Variants in ARHGEF10L observed in about 807,000 individuals in gnomAD.
The protein encoded by ARHGEF10L is Rho guanine nucleotide exchange factor 10 like.
In ARHGEF10L, 69 loss-of-function variants were observed where a neutral mutation model predicts 141.2. The ratio of observed to expected loss-of-function variants is 0.49; its 90% CI spans 0.40 to 0.60. The LOEUF (loss-of-function observed/expected upper bound fraction) is 0.60, where lower values mean the gene tolerates loss of function less well. ARHGEF10L is among the 20% of genes least tolerant of loss of function. The probability of loss-of-function intolerance (pLI) is 0.00; values close to 1 mark genes in which losing one functional copy is unlikely to be tolerated. For synonymous variants in ARHGEF10L, 711 were observed against 718.5 expected (o/e 0.99, Z 0.17); for missense variants, 1,482 against 1,734.3 (o/e 0.85, Z 2.58).
intron 2 of ARHGEF10L, 108 bp downstream of exon 2, chr1:17,580,740 T>C (rs2078471067): frequency 1.5e-6 from 2 of 1,361,230 alleles, no homozygotes. Context: ...GTGGGAAGTC[T>C]GCTCTGCTGG....
chr1:17,687,863 G>A (rs2064749058), intron 27 of ARHGEF10L, 116 bp downstream of exon 27: 2 of 1,194,588 alleles, frequency 1.7e-6, no homozygotes, highest in Admixed American at 3.1e-5. Context: ...GAAAACTGGG[G>A]CTTTAATTTG....
At chr1:17,645,661 G>A (rs2061557016) in intron 21 of ARHGEF10L, among the ~76,000 whole-genome samples, 2 of 152,164 alleles carry the variant, frequency 1.3e-5, no homozygotes, top group South Asian at 4.1e-4. Context: ...TGTCCAAGAG[G>A]CAGCATGGCG....
At chr1:17,687,817 C>A in intron 27 of ARHGEF10L, 70 bp downstream of exon 27, 1 of 1,454,680 alleles carries the variant, frequency 6.9e-7, no homozygotes, top group Admixed American at 2.5e-5. Context: ...AGTGGTGTGA[C>A]CTGGGCAGCC....
Position 17,552,494 on chromosome 1 carries a change from G to T in ARHGEF10L, c.-44+12544G>T, listed in dbSNP as rs2077150087. On this transcript the variant is annotated intron_variant, in intron 1 of 28. Transcript: ENST00000361221. The stretch of plus-strand genomic sequence containing the variant: ...GCTCACTGCAACCTCTGCTTCCCGG[G>T]TTCAAGTGATTCTCCTGCCTCAGCC... Among the ~76,000 whole-genome samples, 3 of 150,538 alleles carry T rather than the reference G, an allele frequency of 2.0e-5. No homozygotes were observed. In the South Asian group the frequency reaches 6.3e-4, roughly 32 times the overall value.
At position 17,615,301 on chromosome 1, in the gene ARHGEF10L, G is replaced by C. The variant is rs1401141296; in HGVS notation, c.727-793G>C. On this transcript the variant is annotated intron_variant, in intron 8 of 28. Transcript: ENST00000361221. This position sits in a 1 kb window ranked among gnomAD's most constrained non-coding sequence, Gnocchi z 4.7. ...GACTGGCTGAGGGGACAGCAGCTCT[G>C]TCAGGCCTGGGTTCCCCCAGCACCT... 6.6e-6 allele frequency: 1 copy of C among 152,288 alleles called. No homozygotes were observed. The highest frequency in any genetic ancestry group is 2.4e-5 in the African/African-American group (1 of 41,456). 9.4% of individuals were successfully genotyped at this position (152,288 alleles called of 1,614,324 possible).
intron 22 of ARHGEF10L, among the ~76,000 whole-genome samples, chr1:17,652,338 G>T (rs548502241): frequency 2.0e-5 from 3 of 152,342 alleles, no homozygotes; most frequent in Non-Finnish European, 4.4e-5. Context: ...TCAGTTGGGA[G>T]TGTGAAGGAG....
In ARHGEF10L at chr1:17,625,897, T is replaced by C; in HGVS notation, c.1318-59T>C. On this transcript the variant is annotated intron_variant, in intron 13 of 28. Coordinates refer to ENST00000361221, the MANE Select transcript of ARHGEF10L (RefSeq NM_018125.4). This position sits in a 1 kb window ranked among gnomAD's most constrained non-coding sequence, Gnocchi z 4.5. ...CAGAATGGGGACAGTGTCTGGACTC[T>C]GGGGCACTGGGCCCTCTCTGCAGGG... 6.8e-7 allele frequency: 1 copy of C among 1,470,878 alleles called. No individual in the cohort carries two copies. The highest frequency in any genetic ancestry group is 9.5e-7 in the Non-Finnish European group (1 of 1,053,588). The allele number at this position is 1,470,878 out of a possible 1,614,324, so 91.1% of individuals were successfully genotyped here.
chr1:17,625,968 T>C lies in ARHGEF10L; in HGVS notation c.1330T>C (p.Cys444Arg). The C allele has an allele frequency of 1.9e-6, 3 of 1,613,854 alleles. No individual in the cohort carries two copies. Among genetic ancestry groups the C allele is most frequent in the Non-Finnish European group, 2.5e-6 (3 of 1,179,846 alleles). The change falls in exon 14 of 29, where the codon TGC becomes CGC. Residue 444 changes from cysteine to arginine, a missense_variant. Cys to Arg is a radical substitution (Grantham distance 180). This residue lies in a region of ARHGEF10L where 392 missense variants were observed against 542.1 expected (regional missense o/e 0.72). Transcript: ENST00000361221. This position sits in a 1 kb window ranked among gnomAD's most constrained non-coding sequence, Gnocchi z 4.5. ...TTGTCTCCACCAGCGACGGCAGGTG[T>C]GCAGCCCAGACCGTGTCACCCTCTA... ...FLEFLKRRQV[C>R]SPDRVTLYGL...
intron 21 of ARHGEF10L, among the ~76,000 whole-genome samples, chr1:17,641,427 C>T (rs964557726): frequency 6.6e-6 from 1 of 151,364 alleles, no homozygotes; most frequent in South Asian, 2.1e-4. Context: ...GTCAGGAGAT[C>T]GAGACCATCC....
chr1:17,524,814 G>A, the ARHGEF10L span, among the ~76,000 whole-genome samples: 1 of 152,188 alleles, frequency 6.6e-6, no homozygotes, highest in Non-Finnish European at 1.5e-5. Flanking sequence ...GTACTCAGGC[G>A]AGAAGCAGTG....
chr1:17,670,619 C>T (rs541437040), intron 26 of ARHGEF10L, among the ~76,000 whole-genome samples: 2 of 152,376 alleles, frequency 1.3e-5, no homozygotes, highest in East Asian at 1.9e-4. Context: ...TGCTCCCTGA[C>T]AAGGTGTGAG....
intron 26 of ARHGEF10L, among the ~76,000 whole-genome samples, chr1:17,683,738 T>C (rs11203435): frequency 1.3e-5 from 2 of 152,200 alleles, no homozygotes; most frequent in African/African-American, 4.8e-5. Flanking sequence ...AGCCTTCTGC[T>C]AAGCCCTCTG....
At chr1:17,613,573 T>A (rs1463874761) in intron 8 of ARHGEF10L, among the ~76,000 whole-genome samples, 1 of 152,226 alleles carries the variant, frequency 6.6e-6, no homozygotes, top group Non-Finnish European at 1.5e-5. Flanking sequence ...GCACATTTCA[T>A]AATCTGCACA....
the ARHGEF10L span, among the ~76,000 whole-genome samples, chr1:17,532,730 G>C: frequency 6.6e-6 from 1 of 151,988 alleles, no homozygotes. Flanking sequence ...GAGTAGCTGG[G>C]ACTACAGGCA....
chr1:17,574,311 G>A (rs1033171327), intron 1 of ARHGEF10L, among the ~76,000 whole-genome samples: 2 of 152,216 alleles, frequency 1.3e-5, no homozygotes, highest in Admixed American at 1.3e-4. Flanking sequence ...ATGGGGCCCG[G>A]TGCAGACAGT....
intron 1 of ARHGEF10L, among the ~76,000 whole-genome samples, chr1:17,557,376 A>G (rs1044811685): frequency 1.3e-5 from 2 of 151,976 alleles, no homozygotes; most frequent in Non-Finnish European, 2.9e-5. Flanking sequence ...CAAAAAAAAC[A>G]AAAAGAAAAT....
chr1:17,524,418 CACAA>C, the ARHGEF10L span, among the ~76,000 whole-genome samples: 4 of 142,754 alleles, frequency 2.8e-5, no homozygotes, highest in East Asian at 2.0e-4. Flanking sequence ...CACACACACA[CACAA>C]AATTAGCCTG....
At chr1:17,689,999 G>A (rs1312583637) in intron 27 of ARHGEF10L, 1 of 359,728 alleles carries the variant, frequency 2.8e-6, no homozygotes, top group Admixed American at 3.7e-5. Context: ...CTTTAAGGAA[G>A]GAAGGGCATT....
In ARHGEF10L at chr1:17,627,394, A is replaced by G. The variant is rs1225437840; in HGVS notation, c.1475A>G (p.Glu492Gly). The change falls in exon 15 of 29, where the codon GAG (glutamate) becomes GGG (glycine). Residue 492 changes from glutamate (E) to glycine (G), a missense_variant. Physicochemically the swap from Glu to Gly is moderately conservative, Grantham distance 98. Transcript: ENST00000361221. The surrounding 1 kb of genome is among the most constrained non-coding windows in gnomAD (Gnocchi z 4.0). ...CTGTCGCTGCAGCTGGCCCTCACAG[A>G]GCTGGAGACGCTGGCTGAGAAGCTG... ...DRLSLQLALT[E>G]LETLAEKLNE... The G allele has an allele frequency of 1.2e-6, 2 of 1,613,960 alleles. No individual in the cohort carries two copies. Among genetic ancestry groups the G allele is most frequent in the Non-Finnish European group, 1.7e-6 (2 of 1,180,032 alleles).
Sources: allele counts gnomAD v4.1 joint callset (sites outside exome capture counted in the v4.1 genomes callset), GRCh38; gene constraint gnomAD v4.1.1; regional missense constraint gnomAD v4.1.1; non-coding constraint Gnocchi (gnomAD v3.1); transcripts MANE v1.5; gene names NCBI Gene and HGNC (gene_info 2026-07-23, HGNC 2026-07-21).